Variants in WWTR1 observed in about 807,000 individuals in gnomAD.
The protein encoded by WWTR1 is WW domain containing transcription regulator 1, also known as WW domain-containing transcription regulator protein 1.
Under a neutral mutation model 40.1 loss-of-function variants are expected in WWTR1, and 13 were observed. The ratio of observed to expected loss-of-function variants is 0.32; its 90% confidence interval spans 0.21 to 0.52. The LOEUF is 0.52. Among genes scored for constraint, WWTR1 ranks in the 20% least tolerant of loss-of-function variants. The pLI is 0.97. For synonymous variants in WWTR1, 230 were observed against 210.1 expected, an observed-to-expected ratio of 1.09 and a Z score of -0.82; for missense variants, 436 against 523.1, an observed-to-expected ratio of 0.83 and a Z score of 1.63.
At chr3:149,652,865 T>C (rs2108154322) in intron 2 of WWTR1, among the ~76,000 whole-genome samples, 1 of 152,018 alleles carries the variant, frequency 6.6e-6, no homozygotes, top group Non-Finnish European at 1.5e-5. Flanking sequence ...GAATTAAATA[T>C]GGGTACAGTT....
At position 149,695,794 on chromosome 3, in the gene WWTR1, A is replaced by ATAT. The variant is rs1553735127; in HGVS notation, c.-108+7329_-108+7330insATA. Among the ~76,000 whole-genome samples, 1,214 of 140,788 alleles carry ATAT rather than the reference A, an allele frequency of 8.6e-3. 5 individuals are homozygous for ATAT. Among genetic ancestry groups the ATAT allele is most frequent in the East Asian group, 0.04 (192 of 4,780 alleles). The allele number at this position is 140,788 out of a possible 152,430, so 92.4% of individuals were successfully genotyped here. A position where few individuals can be genotyped will look rare whatever the true frequency, so the allele number is the denominator to read the frequency against. On this transcript the variant is annotated intron_variant, in intron 1 of 7. Transcript: ENST00000465804. The stretch of plus-strand genomic sequence containing the variant: ...AAAAAACAAGAAAAGAAAAGAAAAA[A>ATAT]ATATATATATATATATTTAAAAAAG...
chr3:149,641,312 A>G (rs528805649), intron 2 of WWTR1, among the ~76,000 whole-genome samples: 1 of 152,248 alleles, frequency 6.6e-6, no homozygotes, highest in South Asian at 2.1e-4. Context: ...TCCATACGAT[A>G]TGTACCAGCC....
chr3:149,533,625 C>T lies in WWTR1; in HGVS notation c.772-5656G>A, dbSNP rs78598836. 2.9e-3 allele frequency among the ~76,000 whole-genome samples: 448 copies of T among 152,272 alleles called. 1 individual carries two copies. The highest frequency in any genetic ancestry group is 4.6e-3 in the Non-Finnish European group (314 of 68,022). On this transcript the variant is annotated intron_variant, in intron 4 of 6. Coordinates refer to ENST00000360632, the MANE Select transcript of WWTR1 (RefSeq NM_015472.6). ...TTAAGTTGGGGTCCAGAGCTTGGCACCGAAAAGGCAGCATGGCACAAGAGC... is the reference window on the plus strand; with the variant it reads ...TTAAGTTGGGGTCCAGAGCTTGGCATCGAAAAGGCAGCATGGCACAAGAGC...
At chr3:149,608,736 C>T (rs914593214) in intron 2 of WWTR1, among the ~76,000 whole-genome samples, 1 of 150,404 alleles carries the variant, frequency 6.6e-6, no homozygotes, top group Non-Finnish European at 1.5e-5. Flanking sequence ...AGAAGAAGAA[C>T]CAAAACACAA....
chr3:149,634,957 C>T (rs976018548), intron 2 of WWTR1, among the ~76,000 whole-genome samples: 1 of 152,190 alleles, frequency 6.6e-6, no homozygotes, highest in South Asian at 2.1e-4. Flanking sequence ...AGCCAAAAAG[C>T]TCTGAGCAGG....
At chr3:149,576,005 T>C (rs1397428443) in intron 2 of WWTR1, 1 of 456,682 alleles carries the variant, frequency 2.2e-6, no homozygotes, top group Admixed American at 2.3e-5. Flanking sequence ...TTGTTCCCAG[T>C]GGATTTGTTA....
At chr3:149,528,590 G>A (rs753641766) in intron 4 of WWTR1, among the ~76,000 whole-genome samples, 1 of 152,076 alleles carries the variant, frequency 6.6e-6, no homozygotes, top group African/African-American at 2.4e-5. Flanking sequence ...CCACAAGTTC[G>A]AGACCAGCCT....
At chr3:149,627,970 G>A (rs1740651311) in intron 2 of WWTR1, among the ~76,000 whole-genome samples, 1 of 152,114 alleles carries the variant, frequency 6.6e-6, no homozygotes, top group Admixed American at 6.5e-5. Context: ...CTACTCGGGA[G>A]GCTGAGGCAG....
At chr3:149,552,034 T>A (rs1736637525) in intron 3 of WWTR1, among the ~76,000 whole-genome samples, 1 of 146,112 alleles carries the variant, frequency 6.8e-6, no homozygotes, top group Non-Finnish European at 1.5e-5. Flanking sequence ...ATATCACCCA[T>A]AAACATGCAC....
At chr3:149,598,302 A>C (rs960675291) in intron 2 of WWTR1, among the ~76,000 whole-genome samples, 1 of 152,252 alleles carries the variant, frequency 6.6e-6, no homozygotes, top group Non-Finnish European at 1.5e-5. Flanking sequence ...GGTTGCCTAT[A>C]GATTATCAAG....
rs776442483 is a variant in WWTR1 at position 149,628,733 on chromosome 3, ATTTTTTTTATTTTAT to A, written c.431+28128_431+28142del. ...TCAAGTCTCACAAATGATTCTTTTT[ATTTTTTTTATTTTAT>A]TTTATTTTATTTTATTTTATTTTAT... is the stretch of plus-strand genomic sequence containing the variant. On this transcript the variant is annotated intron_variant, in intron 2 of 6. Transcript: ENST00000360632. Among the ~76,000 whole-genome samples, 303 of 140,822 alleles carry A rather than the reference ATTTTTTTTATTTTAT, an allele frequency of 2.2e-3. 1 individual carries two copies. The highest frequency in any genetic ancestry group is 6.3e-3 in the South Asian group (28 of 4,476). 92.4% of individuals were successfully genotyped at this position (140,822 alleles called of 152,430 possible).
At chr3:149,548,444 G>A (rs1736470553) in intron 3 of WWTR1, among the ~76,000 whole-genome samples, 1 of 152,184 alleles carries the variant, frequency 6.6e-6, no homozygotes, top group South Asian at 2.1e-4. Context: ...GCTCTTCTAT[G>A]TCCTGGGCTT....
intron 2 of WWTR1, among the ~76,000 whole-genome samples, chr3:149,638,264 T>C (rs1173444598): frequency 1.3e-5 from 2 of 152,018 alleles, no homozygotes; most frequent in East Asian, 1.9e-4. Flanking sequence ...GCCGTGAGCA[T>C]AAAAGGAGAG....
At chr3:149,668,240 C>A (rs1713916439) in intron 2 of WWTR1, among the ~76,000 whole-genome samples, 1 of 152,152 alleles carries the variant, frequency 6.6e-6, no homozygotes, top group African/African-American at 2.4e-5. Flanking sequence ...GGATGAAGTT[C>A]TTTGTCTAAT....
chr3:149,666,230 T>C (rs1267549479), intron 2 of WWTR1, among the ~76,000 whole-genome samples: 2 of 152,140 alleles, frequency 1.3e-5, no homozygotes, highest in Non-Finnish European at 2.9e-5. Context: ...CTCAGCATTG[T>C]CCAGACACAA....
chr3:149,613,283 T>G (rs1443128985), intron 2 of WWTR1, among the ~76,000 whole-genome samples: 1 of 152,172 alleles, frequency 6.6e-6, no homozygotes, highest in Non-Finnish European at 1.5e-5. Flanking sequence ...GGGACTGGCC[T>G]AGGAACTATG....
chr3:149,601,700 G>GA lies in WWTR1; in HGVS notation c.432-28701dup, dbSNP rs201656520. Among the ~76,000 whole-genome samples, 866 of 93,426 alleles carry GA rather than the reference G, an allele frequency of 9.3e-3. 7 individuals are homozygous for GA. Among genetic ancestry groups the GA allele is most frequent in the African/African-American group, 0.034 (838 of 24,436 alleles). The allele number at this position is 93,426 out of a possible 152,430, so 61.3% of individuals were successfully genotyped here. On this transcript the variant is annotated intron_variant, in intron 2 of 6. Coordinates refer to ENST00000360632, the MANE Select transcript of WWTR1 (RefSeq NM_015472.6). ...ACAAAGCTACAATGACCCAGAATAT[G>GA]AAAAAAATTATTTTTTTTTTTTACT...
intron 5 of WWTR1, 85 bp from the exon 6 acceptor site, chr3:149,526,210 T>A (rs141252450): frequency 8.9e-6 from 9 of 1,016,050 alleles, no homozygotes; most frequent in Non-Finnish European, 1.2e-5. Context: ...AGCTCTAAAC[T>A]AGTGCAGTTG....
intron 1 of WWTR1, among the ~76,000 whole-genome samples, chr3:149,671,158 A>G (rs539502504): frequency 1.3e-5 from 2 of 152,252 alleles, no homozygotes; most frequent in South Asian, 4.2e-4. Flanking sequence ...AACCACCAAG[A>G]AGGGAACACT....
Sources: gnomAD v4.1 joint callset for allele counts (sites outside exome capture counted in the v4.1 genomes callset) on GRCh38, gnomAD v4.1.1 for gene constraint, MANE v1.5 for transcripts, NCBI Gene and HGNC (gene_info 2026-07-23, HGNC 2026-07-21) for gene names.